Variants in RBFOX1 observed in about 807,000 individuals in gnomAD.
RBFOX1 encodes RNA binding protein fox-1 homolog 1.
A neutral mutation model predicts 57.7 loss-of-function variants in RBFOX1; 8 were observed. The observed-to-expected ratio is 0.14, with a 90% CI of 0.08 to 0.25. The LOEUF (loss-of-function observed/expected upper bound fraction) is 0.25, where lower values mean the gene tolerates loss of function less well. Among genes scored for constraint, RBFOX1 ranks in the 10% least tolerant of loss-of-function variants. RBFOX1 has a pLI of 1.00. For synonymous variants in RBFOX1, 326 were observed against 222.4 expected, an observed-to-expected ratio of 1.47 and a Z score of -4.15; for missense variants, 611 against 548.5, an observed-to-expected ratio of 1.11 and a Z score of -1.14.
At chr16:5,470,264 G>A (rs1164547543) in intron 2 of RBFOX1, among the ~76,000 whole-genome samples, 1 of 152,168 alleles carries the variant, frequency 6.6e-6, no homozygotes, top group African/African-American at 2.4e-5. Flanking sequence ...CACTGGGCTT[G>A]GGCAAAGAAG....
chr16:6,683,526 G>A (rs1197129971), intron 3 of RBFOX1, among the ~76,000 whole-genome samples: 2 of 152,080 alleles, frequency 1.3e-5, no homozygotes, highest in Non-Finnish European at 2.9e-5. Context: ...ATATATATAT[G>A]TATATAGCTT....
intron 1 of RBFOX1, among the ~76,000 whole-genome samples, chr16:6,081,169 C>T (rs942187422): frequency 6.6e-6 from 1 of 152,162 alleles, no homozygotes; most frequent in Non-Finnish European, 1.5e-5. Context: ...CTTTAGCAGA[C>T]TGATGAAGGC....
intron 2 of RBFOX1, among the ~76,000 whole-genome samples, chr16:6,510,627 C>A (rs2096235913): frequency 6.6e-6 from 1 of 152,152 alleles, no homozygotes; most frequent in Non-Finnish European, 1.5e-5. Flanking sequence ...AGGCTCCCTA[C>A]CAAATGATTT....
At chr16:5,254,318 C>T (rs537525986) in intron 1 of RBFOX1, among the ~76,000 whole-genome samples, 1 of 152,284 alleles carries the variant, frequency 6.6e-6, no homozygotes, top group African/African-American at 2.4e-5. Context: ...TGAGAGACAA[C>T]TTTAGGACAG....
chr16:7,251,795 T>G (rs1239829873), intron 4 of RBFOX1, among the ~76,000 whole-genome samples: 2 of 152,188 alleles, frequency 1.3e-5, no homozygotes, highest in Non-Finnish European at 2.9e-5. Flanking sequence ...GCAGTGAACC[T>G]GGGAGTGCAG....
intron 1 of RBFOX1, among the ~76,000 whole-genome samples, chr16:6,296,423 C>CATTT (rs2078114218): frequency 6.9e-6 from 1 of 144,262 alleles, no homozygotes; most frequent in African/African-American, 2.5e-5. Context: ...AGGGGATGTA[C>CATTT]TTTTTTTTTT....
chr16:6,403,922 G>T (rs1406738815), intron 2 of RBFOX1, among the ~76,000 whole-genome samples: 1 of 152,144 alleles, frequency 6.6e-6, no homozygotes, highest in Non-Finnish European at 1.5e-5. Context: ...AGAAGAGGAA[G>T]AGACACAGTA....
chr16:5,435,349 G>T (rs567426103), intron 1 of RBFOX1, among the ~76,000 whole-genome samples: 1 of 150,932 alleles, frequency 6.6e-6, no homozygotes, highest in African/African-American at 2.5e-5. Flanking sequence ...TGTTTGTGGG[G>T]TGTGTGTGTG....
At chr16:6,350,764 C>T (rs11642666) in intron 2 of RBFOX1, among the ~76,000 whole-genome samples, 3 of 152,084 alleles carry the variant, frequency 2.0e-5, no homozygotes, top group Admixed American at 2.0e-4. Context: ...GGCATTAATT[C>T]TGTTTTATTA....
At chr16:6,841,346 A>G (rs1474838262) in intron 3 of RBFOX1, among the ~76,000 whole-genome samples, 1 of 152,188 alleles carries the variant, frequency 6.6e-6, no homozygotes, top group Non-Finnish European at 1.5e-5. Flanking sequence ...GCATTGAAGA[A>G]TGTTAGACAG....
chr16:6,829,374 T>C (rs906041258), intron 3 of RBFOX1, among the ~76,000 whole-genome samples: 1 of 151,444 alleles, frequency 6.6e-6, no homozygotes, highest in Non-Finnish European at 1.5e-5. Context: ...TACACACACA[T>C]ACATACACAG....
chr16:6,239,794 G>A (rs1405444846), intron 1 of RBFOX1, among the ~76,000 whole-genome samples: 1 of 152,160 alleles, frequency 6.6e-6, no homozygotes, highest in Non-Finnish European at 1.5e-5. Context: ...ACCATGCCCA[G>A]CCTCCACCTG....
chr16:6,125,114 C>T lies in RBFOX1; in HGVS notation c.-127+105122C>T, dbSNP rs149406432. ...ATCCACTGCTGGATGATGACTTGCT[C>T]ACACAAGCCTCTGGATGGTCTCATA... On this transcript the variant is annotated intron_variant, in intron 1 of 15. Coordinates refer to ENST00000550418, the MANE Select transcript of RBFOX1 (RefSeq NM_018723.4). 2.5e-3 allele frequency among the ~76,000 whole-genome samples: 376 copies of T among 152,280 alleles called. 1 individual carries two copies. Among genetic ancestry groups the T allele is most frequent in the African/African-American group, 8.6e-3 (357 of 41,564 alleles).
At chr16:5,318,901 G>C (rs2064318592) in intron 1 of RBFOX1, among the ~76,000 whole-genome samples, 1 of 152,170 alleles carries the variant, frequency 6.6e-6, no homozygotes, top group African/African-American at 2.4e-5. Flanking sequence ...GGGAGGCTGA[G>C]GCGGGCAGAT....
chr16:6,833,863 A>G (rs1313626237), intron 3 of RBFOX1, among the ~76,000 whole-genome samples: 1 of 152,062 alleles, frequency 6.6e-6, no homozygotes, highest in Non-Finnish European at 1.5e-5. Context: ...GACTGAGGAG[A>G]CAGCGTGGGC....
At chr16:5,250,904 G>T (rs1345448386) in intron 1 of RBFOX1, among the ~76,000 whole-genome samples, 2 of 152,320 alleles carry the variant, frequency 1.3e-5, no homozygotes, top group African/African-American at 2.4e-5. Context: ...GGGCTGTCTG[G>T]ATCAGAGGGG....
At chr16:6,908,538 C>A (rs1289793187) in intron 3 of RBFOX1, among the ~76,000 whole-genome samples, 1 of 152,196 alleles carries the variant, frequency 6.6e-6, no homozygotes, top group Admixed American at 6.5e-5. Flanking sequence ...AGGTTCACCT[C>A]CCAAACTACT....
intron 2 of RBFOX1, among the ~76,000 whole-genome samples, chr16:6,402,420 CT>C (rs1010518211): frequency 6.6e-6 from 1 of 152,016 alleles, no homozygotes; most frequent in African/African-American, 2.4e-5. Context: ...CATTTGCTTG[CT>C]TTTTTTTCCT....
chr16:7,450,302 G>A (rs1336483664), intron 4 of RBFOX1, among the ~76,000 whole-genome samples: 1 of 146,992 alleles, frequency 6.8e-6, no homozygotes, highest in Non-Finnish European at 1.5e-5. Flanking sequence ...GCTGAGGCAG[G>A]AGAATTGCCT....
Sources: gnomAD v4.1 joint callset for allele counts (sites outside exome capture counted in the v4.1 genomes callset) on GRCh38, gnomAD v4.1.1 for gene constraint, MANE v1.5 for transcripts, NCBI Gene and HGNC (gene_info 2026-07-23, HGNC 2026-07-21) for gene names.